VSIR: variants seen among roughly 807,000 people sequenced by gnomAD.
The protein encoded by VSIR is V-set immunoregulatory receptor.
VSIR carries 10 observed loss-of-function variants against 31.0 expected under a neutral mutation model. The ratio of observed to expected loss-of-function variants is 0.32; its 90% CI spans 0.20 to 0.55. The LOEUF (loss-of-function observed/expected upper bound fraction) is 0.55, where lower values mean the gene tolerates loss of function less well. Ranked by LOEUF, VSIR falls within the 20% of genes least tolerant of loss-of-function variation. The probability of loss-of-function intolerance (pLI) is 0.93; values close to 1 mark genes in which losing one functional copy is unlikely to be tolerated. For synonymous variants in VSIR, 179 were observed against 180.1 expected (o/e 0.99, Z 0.05); for missense variants, 356 against 416.2 (o/e 0.86, Z 1.26).
intron 1 of VSIR, among the ~76,000 whole-genome samples, chr10:71,766,576 G>T (rs1311447047): frequency 2.6e-5 from 4 of 152,240 alleles, no homozygotes; most frequent in African/African-American, 9.6e-5. Flanking sequence ...CCTGAGGGCT[G>T]CCAGCTCTAA....
At position 71,755,429 on chromosome 10, in the gene VSIR, G is replaced by A. The variant is rs937379705; in HGVS notation, c.606C>T (p.Ile202=). The change falls in exon 4 of 7, where the codon ATC becomes ATT. Residue 202 remains isoleucine (I), a synonymous_variant. Transcript: ENST00000394957. ...TGAGGGGGAGGCAGAGGATTCCTAC[G>A]ATGCAGGCACCCGTAGCCAGGGCTG... The part of the protein sequence containing the change: ...TAAALATGAC[I]VGILCLPLIL... 1.4e-5 allele frequency: 23 copies of A among 1,613,270 alleles called. No individual in the cohort carries two copies. Among genetic ancestry groups the A allele is most frequent in the African/African-American group, 1.3e-4 (10 of 74,900 alleles).
intron 3 of VSIR, among the ~76,000 whole-genome samples, chr10:71,758,072 T>C (rs760038972): frequency 2.0e-5 from 3 of 152,230 alleles, no homozygotes; most frequent in Non-Finnish European, 4.4e-5. Flanking sequence ...AGTGGCTCAA[T>C]CCTGTAATCC....
intron 5 of VSIR, among the ~76,000 whole-genome samples, chr10:71,752,507 C>A (rs1840030183): frequency 6.6e-6 from 1 of 152,210 alleles, no homozygotes; most frequent in South Asian, 2.1e-4. Flanking sequence ...AATACACAGT[C>A]CCCATCCCCT....
intron 4 of VSIR, among the ~76,000 whole-genome samples, chr10:71,753,419 C>T (rs1300745101): frequency 6.6e-6 from 1 of 152,242 alleles, no homozygotes; most frequent in Non-Finnish European, 1.5e-5. Flanking sequence ...AGGTTCTGGT[C>T]TTTAGCCATG....
chr10:71,752,092 C>G (rs1289711343), intron 5 of VSIR: 7 of 682,946 alleles, frequency 1.0e-5, no homozygotes, highest in African/African-American at 5.3e-5. Context: ...GAACAGACCC[C>G]AGCTCCTCCC....
chr10:71,765,441 C>T (rs1318393226), intron 1 of VSIR, among the ~76,000 whole-genome samples: 1 of 152,146 alleles, frequency 6.6e-6, no homozygotes, highest in Admixed American at 6.5e-5. Flanking sequence ...GGTTGGGGGC[C>T]CTCAAGTGGA....
chr10:71,762,136 G>A, intron 1 of VSIR, 110 bp from the exon 2 acceptor site: 1 of 1,296,486 alleles, frequency 7.7e-7, no homozygotes, highest in Non-Finnish European at 1.0e-6. Flanking sequence ...ACAGGCCAGG[G>A]GCATGTCAGC....
chr10:71,773,242 G>T, intron 1 of VSIR, 116 bp downstream of exon 1: 1 of 1,198,358 alleles, frequency 8.3e-7, no homozygotes, highest in Non-Finnish European at 1.2e-6. Context: ...GGTGGAGTGG[G>T]GTGCACGGTC....
chr10:71,755,113 T>C (rs1840099478), intron 4 of VSIR: 4 of 645,996 alleles, frequency 6.2e-6, no homozygotes, highest in African/African-American at 1.8e-5. Context: ...AAGACATGTA[T>C]TGAGTGCCGA....
chr10:71,771,658 C>A (rs1840687871), intron 1 of VSIR, among the ~76,000 whole-genome samples: 1 of 152,228 alleles, frequency 6.6e-6, no homozygotes, highest in Non-Finnish European at 1.5e-5. Flanking sequence ...CTGCAGCCAG[C>A]CTAAATCATC....
chr10:71,756,640 G>A (rs1445819053), intron 3 of VSIR, among the ~76,000 whole-genome samples: 2 of 152,118 alleles, frequency 1.3e-5, no homozygotes, highest in Non-Finnish European at 2.9e-5. Context: ...TTTATTTCAG[G>A]GCATCTGCTG....
intron 1 of VSIR, among the ~76,000 whole-genome samples, chr10:71,770,419 G>A (rs995664101): frequency 2.0e-5 from 3 of 152,230 alleles, no homozygotes; most frequent in Non-Finnish European, 4.4e-5. Flanking sequence ...CAAAGCCCAA[G>A]AGTTAAGCAA....
intron 1 of VSIR, among the ~76,000 whole-genome samples, chr10:71,769,121 A>G (rs1220833575): frequency 6.6e-6 from 1 of 152,258 alleles, no homozygotes; most frequent in Non-Finnish European, 1.5e-5. Flanking sequence ...GTTTTACATT[A>G]AATAACATTG....
At chr10:71,756,653 T>G (rs1017524926) in intron 3 of VSIR, among the ~76,000 whole-genome samples, 1 of 152,230 alleles carries the variant, frequency 6.6e-6, no homozygotes, top group African/African-American at 2.4e-5. Flanking sequence ...ATCTGCTGAC[T>G]GCAGGAGTTT....
In VSIR at chr10:71,751,247, G is replaced by T. The variant is rs1194998870; in HGVS notation, c.*6C>A. On this transcript the variant is annotated 3_prime_UTR_variant, in exon 7 of 7. Coordinates refer to ENST00000394957, the MANE Select transcript of VSIR (RefSeq NM_022153.2). This position sits in a 1 kb window ranked among gnomAD's most constrained non-coding sequence, Gnocchi z 4.9. ...AGCCACAACAGCCCACTGTCCCCCA[G>T]CTGGGCTAGATGACCTCAAAGTTTG... 4 of 1,607,708 alleles carry T rather than the reference G, an allele frequency of 2.5e-6. No individual in the cohort carries two copies. Among genetic ancestry groups the T allele is most frequent in the Admixed American group, 1.7e-5 (1 of 59,352 alleles).
At chr10:71,755,618 G>A (rs967084332) in intron 3 of VSIR, 152 bp from the exon 4 acceptor site, 8 of 720,720 alleles carry the variant, frequency 1.1e-5, no homozygotes, top group Non-Finnish European at 1.6e-5. Context: ...ACAGAGGCAT[G>A]GAAGATAAGG....
chr10:71,764,710 C>T (rs1840487814), intron 1 of VSIR, among the ~76,000 whole-genome samples: 3 of 152,202 alleles, frequency 2.0e-5, no homozygotes, highest in African/African-American at 7.2e-5. Flanking sequence ...CACTCTCTCA[C>T]CGTGGTTTCT....
chr10:71,759,818 T>TACACACACACACAC (rs1487599802), intron 3 of VSIR, among the ~76,000 whole-genome samples: 6,356 of 50,412 alleles, frequency 0.13, 1,129 homozygotes, highest in South Asian at 0.19. Context: ...TTTCAGAAAA[T>TACACACACACACAC]ATACACACAC....
rs1329148048 is a variant in VSIR at position 71,750,374 on chromosome 10, G to A, written c.*879C>T. The A allele has an allele frequency of 1.3e-5, 2 of 152,300 alleles. No individual in the cohort carries two copies. The highest frequency in any genetic ancestry group is 2.9e-5 in the Non-Finnish European group (2 of 68,100). The allele number at this position is 152,300 out of a possible 1,614,324, so 9.4% of individuals were successfully genotyped here. ...CCGCTTCATACTCAGAAGTGTCCCA[G>A]GGTGGACAAGACATTGTGTGGCACC... On this transcript the variant is annotated 3_prime_UTR_variant, in exon 7 of 7. Coordinates refer to ENST00000394957, the MANE Select transcript of VSIR (RefSeq NM_022153.2).
Sources: gnomAD v4.1 joint callset for allele counts (sites outside exome capture counted in the v4.1 genomes callset) on GRCh38, gnomAD v4.1.1 for gene constraint, Gnocchi (gnomAD v3.1) non-coding constraint, MANE v1.5 for transcripts, NCBI Gene and HGNC (gene_info 2026-07-23, HGNC 2026-07-21) for gene names.